The following KCNMB3 variants were observed in gnomAD, a reference collection of about 807,000 sequenced individuals.
KCNMB3 encodes potassium calcium-activated channel subfamily M regulatory beta subunit 3, also known as calcium-activated potassium channel subunit beta-3.
Under a neutral mutation model 11.9 loss-of-function variants are expected in KCNMB3, and 18 were observed. The ratio of observed to expected loss-of-function variants is 1.51; its 90% CI spans 1.04 to 2.23. The LOEUF is 2.23. KCNMB3 is among the 30% of genes most tolerant of loss of function. The probability of loss-of-function intolerance (pLI) is 0.00; values close to 1 mark genes in which losing one functional copy is unlikely to be tolerated. For synonymous variants in KCNMB3, 78 were observed against 119.2 expected, an observed-to-expected ratio of 0.65 and a Z score of 2.25; for missense variants, 247 against 329.4, an observed-to-expected ratio of 0.75 and a Z score of 1.94.
At chr3:179,259,333 C>T (rs1726125151) in intron 1 of KCNMB3, 1 of 1,565,300 alleles carries the variant, frequency 6.4e-7, no homozygotes. Flanking sequence ...GCTATTTTAG[C>T]ATTATCTTTT....
chr3:179,247,021 G>A (rs1039774075), intron 1 of KCNMB3, among the ~76,000 whole-genome samples: 5 of 152,146 alleles, frequency 3.3e-5, no homozygotes, highest in African/African-American at 4.8e-5. Flanking sequence ...TATGAACTAC[G>A]CAGGGCTTCT....
At chr3:179,253,168 T>A (rs1393340367), upstream of KCNMB3, among the ~76,000 whole-genome samples, 15 of 152,238 alleles carry the variant, frequency 9.9e-5, no homozygotes, top group Non-Finnish European at 2.2e-4. Context: ...GGACTTTAGT[T>A]GCTCTGTAGC....
At chr3:179,252,731 C>CTT (rs386398672), upstream of KCNMB3, among the ~76,000 whole-genome samples, 58 of 128,548 alleles carry the variant, frequency 4.5e-4, 1 homozygote, top group South Asian at 2.0e-3. Flanking sequence ...TGAACCTGTA[C>CTT]TTTTTTTTTT....
intron 1 of KCNMB3, among the ~76,000 whole-genome samples, chr3:179,248,660 C>T (rs890123817): frequency 3.4e-5 from 5 of 148,782 alleles, no homozygotes; most frequent in South Asian, 4.2e-4. Context: ...CCCAGGAGGT[C>T]GAAGCTGCAG....
In KCNMB3 at chr3:179,259,715, CTT is replaced by C. The variant is rs137919330; in HGVS notation, c.62+6932_62+6933del. The C allele has an allele frequency of 3.0e-3, 4,705 of 1,591,498 alleles. 122 individuals carry two copies. The African/African-American group carries it at 0.055, about 19-fold the overall frequency. ...CTATGGGTACTGGGGATTTTTTCCT[CTT>C]CTTTTTCTTTTTCTTGTTCTTTCTC... On this transcript the variant is annotated intron_variant, in intron 1 of 3. Transcript: ENST00000349697.
At position 179,261,437 on chromosome 3, in the gene KCNMB3, G is replaced by A. The variant is rs548381356; in HGVS notation, c.62+5212C>T. Among the ~76,000 whole-genome samples, 7 of 151,938 alleles carry A rather than the reference G, an allele frequency of 4.6e-5. No homozygotes were observed. In the South Asian group the frequency reaches 1.4e-3, roughly 31 times the overall value. On this transcript the variant is annotated intron_variant, in intron 1 of 3. Transcript: ENST00000349697. ...TCCGGGGCCAAGAGCCAGCCCGCCG[G>A]GGAGCGGCTCGCGGGACTGGGCTCG...
chr3:179,245,507 ATT>A (rs746378991), intron 1 of KCNMB3, among the ~76,000 whole-genome samples: 2 of 148,188 alleles, frequency 1.3e-5, no homozygotes, highest in Non-Finnish European at 3.0e-5. Flanking sequence ...TACTGAATTA[ATT>A]TTTTTGGGGG....
upstream of KCNMB3, among the ~76,000 whole-genome samples, chr3:179,252,237 C>T (rs1725871727): frequency 6.6e-6 from 1 of 152,104 alleles, no homozygotes; most frequent in Non-Finnish European, 1.5e-5. Flanking sequence ...CACTGATTTG[C>T]CATTCCCTGC....
exon 1 of KCNMB3, chr3:179,266,800 T>G: frequency 6.5e-7 from 1 of 1,542,018 alleles, no homozygotes; most frequent in Non-Finnish European, 8.7e-7. Flanking sequence ...TCCACGGAAG[T>G]GGAGTCCCAG....
chr3:179,262,658 G>A (rs914333567), intron 1 of KCNMB3, among the ~76,000 whole-genome samples: 3 of 152,142 alleles, frequency 2.0e-5, no homozygotes, highest in African/African-American at 4.8e-5. Context: ...AGAGCCGATT[G>A]GTCCATTTTA....
chr3:179,253,832 A>T (rs1725927154), upstream of KCNMB3, among the ~76,000 whole-genome samples: 1 of 152,134 alleles, frequency 6.6e-6, no homozygotes. Context: ...AAATAAATTT[A>T]AAAATTTTTT....
chr3:179,263,177 G>A (rs1323651665), intron 1 of KCNMB3, among the ~76,000 whole-genome samples: 1 of 152,234 alleles, frequency 6.6e-6, no homozygotes, highest in Non-Finnish European at 1.5e-5. Context: ...ATGGCGGGCT[G>A]CAGGTCCCAA....
intron 1 of KCNMB3, among the ~76,000 whole-genome samples, chr3:179,256,710 AG>A (rs1196516610): frequency 6.6e-6 from 1 of 152,166 alleles, no homozygotes; most frequent in Non-Finnish European, 1.5e-5. Context: ...AAAGAATGGA[AG>A]GGAAAAAAAT....
intron 1 of KCNMB3, among the ~76,000 whole-genome samples, chr3:179,249,007 C>CTTTTTTTT (rs1169837939): frequency 3.3e-5 from 3 of 89,864 alleles, no homozygotes; most frequent in African/African-American, 9.5e-5. Flanking sequence ...GACCCCGTCT[C>CTTTTTTTT]TTTTTTTTTT....
chr3:179,250,348 T>C (rs1279758931), intron 1 of KCNMB3, among the ~76,000 whole-genome samples: 1 of 152,222 alleles, frequency 6.6e-6, no homozygotes, highest in African/African-American at 2.4e-5. Context: ...ATGTGCCAGG[T>C]AGACACTGTC....
At chr3:179,248,097 T>C (rs1049944542) in intron 1 of KCNMB3, among the ~76,000 whole-genome samples, 1 of 151,556 alleles carries the variant, frequency 6.6e-6, no homozygotes, top group African/African-American at 2.4e-5. Flanking sequence ...AGAACCCCCA[T>C]TCCCCTCATT....
rs747688157 is a variant in KCNMB3 at position 179,250,948 on chromosome 3, GAGA to G, written c.40_42del (p.Ser14del). 3.1e-5 allele frequency: 50 copies of G among 1,614,040 alleles called. No homozygotes were observed. Among genetic ancestry groups the G allele is most frequent in the Non-Finnish European group, 4.1e-5 (48 of 1,180,034 alleles). ...GGAAAGGCTGTCCTTTGGGGAAAGGGAGAAGGAGATACTGCAGTGAGCTCATAA... is the reference window on the plus strand; with the variant it reads ...GGAAAGGCTGTCCTTTGGGGAAAGGGAGGAGATACTGCAGTGAGCTCATAA... On this transcript the variant is annotated inframe_deletion, in exon 1 of 3. Transcript: ENST00000392685.
chr3:179,250,765 T>C lies in KCNMB3; in HGVS notation c.226A>G (p.Ile76Val), dbSNP rs1329056050. Residue 76 changes from isoleucine (I) to valine (V), a missense_variant, in exon 1 of 3, where the codon ATT becomes GTT. Ile to Val is a conservative substitution (Grantham distance 29). Transcript: ENST00000392685. ...TACCTGAGCATAAAAGGCTTTAGAATGGTTGTTCCGAGCAAGAAGAACATT... is the reference window on the plus strand; with the variant it reads ...TACCTGAGCATAAAAGGCTTTAGAACGGTTGTTCCGAGCAAGAAGAACATT... ...VLMFFLLGTT[I>V]LKPFMLSIQR... is the part of the protein sequence containing the mutation. 4 of 1,614,112 alleles carry C rather than the reference T, an allele frequency of 2.5e-6. No homozygotes were observed. Among genetic ancestry groups the C allele is most frequent in the African/African-American group, 1.3e-5 (1 of 74,942 alleles).
rs560317384 is a variant in KCNMB3 at position 179,266,501 on chromosome 3, C to G, written c.62+148G>C. The G allele has an allele frequency of 2.1e-5, 18 of 846,518 alleles. No individual in the cohort carries two copies. In the African/African-American group the frequency reaches 2.5e-4, roughly 12 times the overall value. The allele number at this position is 846,518 out of a possible 1,614,324, so 52.4% of individuals were successfully genotyped here. ...CGTGATGTGAGTGCTACTGGGGAAGCCTGCTGGGTACCCTGGGAGGCATGG... is the reference window on the plus strand; with the variant it reads ...CGTGATGTGAGTGCTACTGGGGAAGGCTGCTGGGTACCCTGGGAGGCATGG... On this transcript the variant is annotated intron_variant, in intron 1 of 3. Coordinates refer to the KCNMB3 transcript ENST00000349697.
Sources: allele counts gnomAD v4.1 joint callset (sites outside exome capture counted in the v4.1 genomes callset), GRCh38; gene constraint gnomAD v4.1.1; transcripts MANE v1.5; gene names NCBI Gene and HGNC (gene_info 2026-07-23, HGNC 2026-07-21).